Variants in COL24A1 observed in about 807,000 individuals in gnomAD.
COL24A1 encodes the protein collagen type XXIV alpha 1 chain.
COL24A1 carries 224 observed loss-of-function variants against 253.9 expected under a neutral mutation model. The observed-to-expected ratio is 0.88, with a 90% CI of 0.79 to 0.99. The LOEUF (loss-of-function observed/expected upper bound fraction) is 0.99. Among genes scored for constraint, COL24A1 ranks in the 50% least tolerant of loss-of-function variants. COL24A1 has a pLI of 0.00. For synonymous variants in COL24A1, 685 were observed against 673.7 expected, an observed-to-expected ratio of 1.02 and a Z score of -0.26; for missense variants, 2,131 against 2,068.5, an observed-to-expected ratio of 1.03 and a Z score of -0.59.
intron 31 of COL24A1, among the ~76,000 whole-genome samples, chr1:85,894,788 C>T (rs1047197717): frequency 1.3e-5 from 2 of 152,074 alleles, no homozygotes; most frequent in Non-Finnish European, 2.9e-5. Context: ...TGTTTTCTGT[C>T]TTAGGTCTCT....
intron 19 of COL24A1, among the ~76,000 whole-genome samples, chr1:86,016,215 CAGTA>C (rs1451922305): frequency 6.6e-6 from 1 of 151,918 alleles, no homozygotes; most frequent in African/African-American, 2.4e-5. Context: ...TGAAATCATA[CAGTA>C]AGTAAGAATA....
At chr1:85,915,855 T>C (rs1437731535) in intron 24 of COL24A1, among the ~76,000 whole-genome samples, 1 of 152,166 alleles carries the variant, frequency 6.6e-6, no homozygotes, top group East Asian at 1.9e-4. Flanking sequence ...GGTTTCACCA[T>C]GTTGGCCAGG....
At chr1:85,907,698 A>G (rs997439) in intron 27 of COL24A1, among the ~76,000 whole-genome samples, 3 of 151,636 alleles carry the variant, frequency 2.0e-5, no homozygotes, top group African/African-American at 7.2e-5. Context: ...AAATGCCACA[A>G]AATGTTCCAA....
chr1:86,073,967 A>G (rs530235566), intron 7 of COL24A1, among the ~76,000 whole-genome samples: 9 of 152,226 alleles, frequency 5.9e-5, no homozygotes, highest in African/African-American at 2.2e-4. Context: ...AGGGAGCATT[A>G]AATATGGAAA....
intron 24 of COL24A1, among the ~76,000 whole-genome samples, chr1:85,956,773 G>A (rs547627516): frequency 9.9e-4 from 150 of 152,284 alleles, no homozygotes; most frequent in Non-Finnish European, 1.7e-3. Context: ...GACATCCTCA[G>A]TTTCCTGTTA....
At chr1:85,858,656 C>CTTCCTTCCTTCA (rs1678768033) in intron 37 of COL24A1, among the ~76,000 whole-genome samples, 2 of 149,160 alleles carry the variant, frequency 1.3e-5, no homozygotes, top group African/African-American at 2.5e-5. Context: ...TCCTTCCTTC[C>CTTCCTTCCTTCA]TTCCTTCCTT....
intron 7 of COL24A1, among the ~76,000 whole-genome samples, chr1:86,087,714 C>T (rs967389427): frequency 6.6e-5 from 10 of 152,180 alleles, no homozygotes; most frequent in African/African-American, 2.4e-4. Context: ...TGATATATGT[C>T]AGTACAATCT....
At chr1:86,052,145 A>T (rs1342187659) in intron 10 of COL24A1, among the ~76,000 whole-genome samples, 1 of 151,998 alleles carries the variant, frequency 6.6e-6, no homozygotes, top group Non-Finnish European at 1.5e-5. Context: ...TGAAGTAGAG[A>T]TACAGTAGGT....
intron 53 of COL24A1, among the ~76,000 whole-genome samples, chr1:85,769,001 AT>A (rs148715914): frequency 0.9 from 137,403 of 152,184 alleles, 62,592 homozygotes; most frequent in Non-Finnish European, 0.96. Context: ...ACAGAATTCA[AT>A]AAATTCAAAC....
At chr1:85,811,283 G>C (rs1672500163) in intron 47 of COL24A1, among the ~76,000 whole-genome samples, 1 of 151,950 alleles carries the variant, frequency 6.6e-6, no homozygotes, top group Non-Finnish European at 1.5e-5. Context: ...ACGAACATTG[G>C]TGTAAAAATA....
intron 47 of COL24A1, among the ~76,000 whole-genome samples, chr1:85,797,739 T>C (rs1383729863): frequency 6.6e-6 from 1 of 152,220 alleles, no homozygotes; most frequent in African/African-American, 2.4e-5. Flanking sequence ...AATCACTTAA[T>C]ACACATCAGC....
Position 85,933,773 on chromosome 1 carries a change from A to G in COL24A1, c.2563-22340T>C, listed in dbSNP as rs182948316. ...ATGTGGAAATGGTCATAATTTATTT[A>G]TATTTACTACTATAGCTCTTTAAAA... is the stretch of plus-strand genomic sequence containing the variant. On this transcript the variant is annotated intron_variant, in intron 24 of 59. Coordinates refer to ENST00000370571, the MANE Select transcript of COL24A1 (RefSeq NM_152890.7). 9.2e-5 allele frequency among the ~76,000 whole-genome samples: 14 copies of G among 152,300 alleles called. No homozygotes were observed. In the East Asian group the frequency reaches 2.7e-3, roughly 29 times the overall value.
At chr1:85,873,096 A>T (rs1219723814) in intron 35 of COL24A1, among the ~76,000 whole-genome samples, 1 of 152,198 alleles carries the variant, frequency 6.6e-6, no homozygotes, top group Non-Finnish European at 1.5e-5. Context: ...GCTCATCATC[A>T]CTGGCCATCA....
chr1:85,966,542 T>C (rs1361788952), intron 22 of COL24A1, among the ~76,000 whole-genome samples: 1 of 152,120 alleles, frequency 6.6e-6, no homozygotes, highest in Non-Finnish European at 1.5e-5. Context: ...CACAGGCCAA[T>C]CTTTGGGGTA....
At chr1:86,100,809 T>A (rs1704383503) in intron 5 of COL24A1, among the ~76,000 whole-genome samples, 1 of 152,112 alleles carries the variant, frequency 6.6e-6, no homozygotes, top group Admixed American at 6.6e-5. Flanking sequence ...ACATGTTGAT[T>A]TCCTGGGAAG....
At chr1:85,971,477 A>C (rs756724143) in intron 20 of COL24A1, 84 bp from the exon 21 acceptor site, 43 of 1,138,940 alleles carry the variant, frequency 3.8e-5, no homozygotes, top group Non-Finnish European at 5.4e-5. Flanking sequence ...GGAGATGGAC[A>C]ATACTCTTTG....
intron 47 of COL24A1, among the ~76,000 whole-genome samples, chr1:85,807,729 G>C (rs1672127646): frequency 6.6e-6 from 1 of 152,104 alleles, no homozygotes; most frequent in Non-Finnish European, 1.5e-5. Context: ...GGTTCTCTTT[G>C]AGAAAAAACA....
At chr1:85,992,371 G>T (rs1214020052) in intron 19 of COL24A1, among the ~76,000 whole-genome samples, 1 of 152,118 alleles carries the variant, frequency 6.6e-6, no homozygotes, top group East Asian at 1.9e-4. Flanking sequence ...CCTGGCCAAA[G>T]AAACTTTTCA....
At chr1:85,943,182 G>T (rs1197123426) in intron 24 of COL24A1, among the ~76,000 whole-genome samples, 2 of 152,164 alleles carry the variant, frequency 1.3e-5, no homozygotes, top group Non-Finnish European at 2.9e-5. Context: ...TTGGACTCCA[G>T]GACTTACACC....
Sources: allele counts gnomAD v4.1 joint callset (sites outside exome capture counted in the v4.1 genomes callset), GRCh38; gene constraint gnomAD v4.1.1; transcripts MANE v1.5; gene names NCBI Gene and HGNC (gene_info 2026-07-23, HGNC 2026-07-21).